Variants in NUF2 observed in about 807,000 individuals in gnomAD.
The protein encoded by NUF2 is kinetochore protein Nuf2.
A neutral mutation model predicts 61.8 loss-of-function variants in NUF2; 34 were observed. The observed-to-expected ratio is 0.55, with a 90% confidence interval of 0.42 to 0.73. The LOEUF is 0.73. Among genes scored for constraint, NUF2 ranks in the 30% least tolerant of loss-of-function variants. The pLI, the probability that NUF2 is intolerant of heterozygous loss-of-function variation, is 0.00. For synonymous variants in NUF2, 172 were observed against 181.6 expected, an observed-to-expected ratio of 0.95 and a Z score of 0.42; for missense variants, 445 against 539.1, an observed-to-expected ratio of 0.83 and a Z score of 1.73.
At chr1:163,338,835 C>G (rs1251238674) in intron 7 of NUF2, among the ~76,000 whole-genome samples, 1 of 151,976 alleles carries the variant, frequency 6.6e-6, no homozygotes, top group East Asian at 1.9e-4. Context: ...ATATGCAGAA[C>G]TACAAAGCAG....
chr1:163,343,470 C>G (rs1200198967), intron 9 of NUF2, among the ~76,000 whole-genome samples: 1 of 151,886 alleles, frequency 6.6e-6, no homozygotes, highest in African/African-American at 2.4e-5. Context: ...TTGTAGGGTG[C>G]AGTAGGGAAC....
intron 9 of NUF2, among the ~76,000 whole-genome samples, chr1:163,342,022 G>T (rs1650963578): frequency 6.6e-6 from 1 of 152,112 alleles, no homozygotes; most frequent in Non-Finnish European, 1.5e-5. Flanking sequence ...CCCATTAAAA[G>T]GTTTATGTTT....
rs61747498 is a variant in NUF2 at position 163,338,056 on chromosome 1, G to T, written c.472G>T (p.Ala158Ser). Residue 158 changes from alanine (A) to serine (S), a missense_variant, in exon 7 of 14, where the codon GCA (alanine) becomes TCA (serine). By Grantham distance (99) the Ala-to-Ser change is moderately conservative (BLOSUM62 1). Transcript: ENST00000271452. ...GGACAAAATGCAACAGTTAAACGCC[G>T]CACACCAGGAGGCATTAATGAAACT... Reference protein sequence around the residue: ...SADKMQQLNAAHQEALMKLER... With the variant: ...SADKMQQLNASHQEALMKLER... 2 of 1,612,548 alleles carry T rather than the reference G, an allele frequency of 1.2e-6. No homozygotes were observed. Among genetic ancestry groups the T allele is most frequent in the African/African-American group, 2.7e-5 (2 of 74,818 alleles).
At chr1:163,338,936 A>G (rs2101679106) in intron 7 of NUF2, among the ~76,000 whole-genome samples, 1 of 140,380 alleles carries the variant, frequency 7.1e-6, no homozygotes, top group South Asian at 2.5e-4. Context: ...AATATATCAG[A>G]TAGGCAAAAA....
At chr1:163,349,565 T>C (rs575238459) in intron 13 of NUF2, among the ~76,000 whole-genome samples, 1 of 152,292 alleles carries the variant, frequency 6.6e-6, no homozygotes, top group Non-Finnish European at 1.5e-5. Flanking sequence ...TTGTTTACAT[T>C]GACAACTTAG....
chr1:163,354,027 C>CT (rs1651410883), intron 13 of NUF2, among the ~76,000 whole-genome samples: 1 of 152,086 alleles, frequency 6.6e-6, no homozygotes, highest in Non-Finnish European at 1.5e-5. Flanking sequence ...ATTCAGCTTT[C>CT]TTTTTTGGAA....
intron 5 of NUF2, among the ~76,000 whole-genome samples, chr1:163,336,333 A>G (rs1650756749): frequency 6.6e-6 from 1 of 152,122 alleles, no homozygotes; most frequent in African/African-American, 2.4e-5. Context: ...TACAAGTTTT[A>G]TTTGTGTTCT....
chr1:163,323,206 T>C (rs963817324), intron 1 of NUF2: 2 of 152,198 alleles, frequency 1.3e-5, no homozygotes, highest in East Asian at 3.8e-4. Flanking sequence ...GAACAAGTGA[T>C]AATAATTATG....
At chr1:163,322,674 ATAGT>A (rs1650271618) in intron 1 of NUF2, among the ~76,000 whole-genome samples, 1 of 152,222 alleles carries the variant, frequency 6.6e-6, no homozygotes, top group African/African-American at 2.4e-5. Context: ...ATGTCCACAA[ATAGT>A]TTATTTTAAC....
intron 13 of NUF2, among the ~76,000 whole-genome samples, chr1:163,354,887 A>G (rs1651437838): frequency 6.6e-6 from 1 of 152,074 alleles, no homozygotes; most frequent in Admixed American, 6.5e-5. Context: ...GTTTATTCAA[A>G]CAACTCTACA....
intron 10 of NUF2, among the ~76,000 whole-genome samples, chr1:163,345,262 T>C (rs980791287): frequency 6.6e-6 from 1 of 152,160 alleles, no homozygotes; most frequent in African/African-American, 2.4e-5. Flanking sequence ...TTTTAGAAGA[T>C]GAGTTAATGT....
intron 13 of NUF2, among the ~76,000 whole-genome samples, chr1:163,354,459 T>C (rs1651424020): frequency 6.6e-6 from 1 of 152,174 alleles, no homozygotes; most frequent in Non-Finnish European, 1.5e-5. Context: ...TTATAATCTA[T>C]GTAATTTATT....
chr1:163,355,602 A>C lies in NUF2; in HGVS notation c.*133A>C. ...GCTTCATCAGTTTTTATACACTCTCATAAGTAGTTAATAAGATGAATTTAA... is the reference window on the plus strand; with the variant it reads ...GCTTCATCAGTTTTTATACACTCTCCTAAGTAGTTAATAAGATGAATTTAA... On this transcript the variant is annotated 3_prime_UTR_variant, in exon 14 of 14. Coordinates refer to ENST00000271452, the MANE Select transcript of NUF2 (RefSeq NM_145697.3). The C allele has an allele frequency of 1.5e-5, 8 of 539,720 alleles. No individual in the cohort carries two copies. The highest frequency in any genetic ancestry group is 2.5e-5 in the Non-Finnish European group (8 of 322,070). The allele number at this position is 539,720 out of a possible 1,614,324, so 33.4% of individuals were successfully genotyped here.
rs758146407 is a variant in NUF2 at position 163,328,284 on chromosome 1, C to T, written c.255C>T (p.Phe85=). The T allele has an allele frequency of 6.2e-7, 1 of 1,605,068 alleles. No individual in the cohort carries two copies. Among genetic ancestry groups the T allele is most frequent in the African/African-American group, 1.3e-5 (1 of 74,842 alleles). ...ATTTAATGGAAGGCTTCTTACCATT[C>T]AGCAATTTAGTTACTCATCTGTGAG... The part of the protein sequence containing the change: ...YPHLMEGFLP[F]SNLVTHLDSF... The change falls in exon 4 of 14, where the codon TTC becomes TTT. Residue 85 remains phenylalanine (F), a synonymous_variant. Transcript: ENST00000271452.
intron 9 of NUF2, among the ~76,000 whole-genome samples, chr1:163,343,463 T>C (rs1346369829): frequency 6.6e-6 from 1 of 152,042 alleles, no homozygotes; most frequent in African/African-American, 2.4e-5. Flanking sequence ...TACCAGATTG[T>C]AGGGTGCAGT....
At chr1:163,343,114 T>G (rs1051552173) in intron 9 of NUF2, among the ~76,000 whole-genome samples, 1 of 152,140 alleles carries the variant, frequency 6.6e-6, no homozygotes, top group Non-Finnish European at 1.5e-5. Context: ...GTTACATTCA[T>G]TTTTGAAATT....
At chr1:163,354,268 C>T (rs1010732033) in intron 13 of NUF2, among the ~76,000 whole-genome samples, 13 of 152,092 alleles carry the variant, frequency 8.5e-5, no homozygotes, top group Non-Finnish European at 1.8e-4. Context: ...AATCTAAACA[C>T]ACTCTTCTAT....
chr1:163,347,140 T>C (rs190252282), intron 11 of NUF2, among the ~76,000 whole-genome samples: 57 of 152,272 alleles, frequency 3.7e-4, no homozygotes, highest in African/African-American at 1.3e-3. Context: ...CTAGGACCTA[T>C]AGAGAGATTT....
intron 12 of NUF2, among the ~76,000 whole-genome samples, chr1:163,348,142 C>T (rs1320464077): frequency 6.6e-6 from 1 of 152,128 alleles, no homozygotes; most frequent in Admixed American, 6.5e-5. Context: ...CTTAGCTACT[C>T]TTTTCCTGGG....
Sources: gnomAD v4.1 joint callset for allele counts (sites outside exome capture counted in the v4.1 genomes callset) on GRCh38, gnomAD v4.1.1 for gene constraint, MANE v1.5 for transcripts, NCBI Gene and HGNC (gene_info 2026-07-23, HGNC 2026-07-21) for gene names.